Variants in COG6 observed in about 807,000 individuals in gnomAD.
COG6 encodes component of oligomeric golgi complex 6, also known as conserved oligomeric Golgi complex subunit 6.
A neutral mutation model predicts 88.8 loss-of-function variants in COG6; 74 were observed. The observed-to-expected ratio is 0.83, with a 90% CI of 0.69 to 1.01. The LOEUF is 1.01. Ranked by LOEUF, COG6 falls within the 50% of genes least tolerant of loss-of-function variation. COG6 has a pLI of 0.00. For missense variants in COG6, 800 were observed against 797.9 expected (o/e 1.00, Z -0.03); for synonymous variants, 286 against 278.7 (o/e 1.03, Z -0.26).
intron 18 of COG6, among the ~76,000 whole-genome samples, chr13:39,758,237 A>AAAAAAG (rs1240289975): frequency 6.7e-5 from 10 of 149,950 alleles, no homozygotes; most frequent in South Asian, 2.1e-4. Flanking sequence ...AAAAAAAAAA[A>AAAAAAG]AAAAATGACG....
chr13:39,753,583 A>G (rs767595115), downstream of COG6, among the ~76,000 whole-genome samples: 12 of 152,004 alleles, frequency 7.9e-5, no homozygotes, highest in Non-Finnish European at 1.3e-4. Flanking sequence ...TCATTTTCCT[A>G]TTCTCAAACA....
chr13:39,782,785 A>C (rs1005131139), intron 18 of COG6, among the ~76,000 whole-genome samples: 3 of 152,158 alleles, frequency 2.0e-5, no homozygotes, highest in Admixed American at 1.3e-4. Flanking sequence ...TCAGGGGGGA[A>C]CAGCATGTCT....
At chr13:39,688,901 A>G (rs932850357) in intron 10 of COG6, among the ~76,000 whole-genome samples, 8 of 152,086 alleles carry the variant, frequency 5.3e-5, no homozygotes, top group African/African-American at 9.7e-5. Context: ...TCACTTGACT[A>G]TTTTACATAG....
chr13:39,661,551 T>C (rs1383983392), intron 3 of COG6, among the ~76,000 whole-genome samples: 1 of 152,182 alleles, frequency 6.6e-6, no homozygotes, highest in East Asian at 1.9e-4. Context: ...CACAGGCTAC[T>C]TGCATCATCA....
chr13:39,704,612 A>G (rs1015976389), intron 13 of COG6, among the ~76,000 whole-genome samples: 1 of 152,166 alleles, frequency 6.6e-6, no homozygotes, highest in African/African-American at 2.4e-5. Context: ...CAATCTATGT[A>G]AATGTGGACC....
intron 4 of COG6, among the ~76,000 whole-genome samples, chr13:39,674,957 G>C (rs1875876991): frequency 6.6e-6 from 1 of 152,114 alleles, no homozygotes; most frequent in African/African-American, 2.4e-5. Flanking sequence ...TTAAAAATAA[G>C]TGGGGATTCC....
chr13:39,662,142 A>ATG (rs1874935929), intron 3 of COG6, among the ~76,000 whole-genome samples: 1 of 130,654 alleles, frequency 7.7e-6, no homozygotes, highest in African/African-American at 2.9e-5. Context: ...TGTCCTTTGT[A>ATG]TTTTTTTTTT....
chr13:39,714,373 G>A (rs373958808), intron 13 of COG6, among the ~76,000 whole-genome samples: 3 of 151,384 alleles, frequency 2.0e-5, no homozygotes, highest in East Asian at 1.9e-4. Context: ...TGCAAACTAC[G>A]TATCTGAAAA....
At chr13:39,784,453 G>T (rs1159377692) in intron 18 of COG6, among the ~76,000 whole-genome samples, 1 of 152,194 alleles carries the variant, frequency 6.6e-6, no homozygotes, top group Non-Finnish European at 1.5e-5. Context: ...TTCTGCACCA[G>T]GGGCAGTAAG....
At chr13:39,765,920 A>G (rs1293862666) in intron 18 of COG6, among the ~76,000 whole-genome samples, 1 of 152,244 alleles carries the variant, frequency 6.6e-6, no homozygotes, top group East Asian at 1.9e-4. Flanking sequence ...GCCAAGTGCC[A>G]AAACCATTAA....
intron 5 of COG6, chr13:39,679,319 C>T: frequency 1.9e-6 from 1 of 535,632 alleles, no homozygotes. Flanking sequence ...CACTATTTGG[C>T]ACATAGTAGA....
chr13:39,723,187 A>G (rs1878940574), intron 15 of COG6, 146 bp from the exon 16 acceptor site: 5 of 630,138 alleles, frequency 7.9e-6, no homozygotes, highest in African/African-American at 1.8e-5. Context: ...CCCCTTTCAT[A>G]GAAAGACTTA....
intron 13 of COG6, among the ~76,000 whole-genome samples, chr13:39,717,740 C>G (rs556949489): frequency 6.6e-6 from 1 of 152,158 alleles, no homozygotes; most frequent in East Asian, 1.9e-4. Flanking sequence ...TGGCATGTGC[C>G]TGTAGTCCTA....
chr13:39,680,162 TA>T, intron 7 of COG6, 117 bp downstream of exon 7: 1 of 647,906 alleles, frequency 1.5e-6, no homozygotes, highest in Non-Finnish European at 2.7e-6. Context: ...TTTTTAAAAA[TA>T]AAAATAGTAT....
chr13:39,669,344 A>G (rs1277892505), intron 4 of COG6, among the ~76,000 whole-genome samples: 63 of 152,256 alleles, frequency 4.1e-4, no homozygotes, highest in Non-Finnish European at 4.4e-5. Context: ...GATTAAAACT[A>G]AGAGGATAAC....
intron 18 of COG6, among the ~76,000 whole-genome samples, chr13:39,734,756 C>G (rs916927225): frequency 1.3e-5 from 2 of 152,112 alleles, no homozygotes; most frequent in African/African-American, 2.4e-5. Flanking sequence ...TCTAATAATG[C>G]TTGCTTTGTA....
intron 18 of COG6, among the ~76,000 whole-genome samples, chr13:39,781,639 C>T (rs971484793): frequency 3.3e-5 from 5 of 151,984 alleles, no homozygotes; most frequent in African/African-American, 1.2e-4. Flanking sequence ...AAGCCCCATC[C>T]TTCTCCCACC....
At chr13:39,718,145 G>C (rs1878633828) in intron 13 of COG6, among the ~76,000 whole-genome samples, 1 of 152,032 alleles carries the variant, frequency 6.6e-6, no homozygotes, top group Admixed American at 6.6e-5. Context: ...TGCTGTGCAT[G>C]GACTATATTT....
At chr13:39,769,966 C>G (rs1016328354) in intron 18 of COG6, among the ~76,000 whole-genome samples, 3 of 152,120 alleles carry the variant, frequency 2.0e-5, no homozygotes, top group Admixed American at 6.5e-5. Flanking sequence ...ATTACCCAGT[C>G]GAAGGTATTT....
Sources: gnomAD v4.1 joint callset for allele counts (sites outside exome capture counted in the v4.1 genomes callset) on GRCh38, gnomAD v4.1.1 for gene constraint, MANE v1.5 for transcripts, NCBI Gene and HGNC (gene_info 2026-07-23, HGNC 2026-07-21) for gene names.